Variants in ADGRL2 observed in about 807,000 individuals in gnomAD.
ADGRL2 encodes calcium-independent alpha-latrotoxin receptor 2.
In ADGRL2, 44 loss-of-function variants were observed where a neutral mutation model predicts 157.4. The observed-to-expected ratio is 0.28, with a 90% CI of 0.22 to 0.36. The LOEUF (loss-of-function observed/expected upper bound fraction) is 0.36, where lower values mean the gene tolerates loss of function less well. Among genes scored for constraint, ADGRL2 ranks in the 10% least tolerant of loss-of-function variants. The probability of loss-of-function intolerance (pLI) is 1.00; values close to 1 mark genes in which losing one functional copy is unlikely to be tolerated. For synonymous variants in ADGRL2, 585 were observed against 624.7 expected (o/e 0.94, Z 0.95); for missense variants, 1,510 against 1,768.9 (o/e 0.85, Z 2.63).
chr1:81,369,212 G>C (rs1208122733), intron 1 of ADGRL2, among the ~76,000 whole-genome samples: 1 of 152,024 alleles, frequency 6.6e-6, no homozygotes. Context: ...GTGATACATA[G>C]AGAAGACAAG....
intron 3 of ADGRL2, among the ~76,000 whole-genome samples, chr1:81,595,044 T>C (rs1570594741): frequency 6.6e-6 from 1 of 152,186 alleles, no homozygotes; most frequent in Non-Finnish European, 1.5e-5. Context: ...GAAATGGTGG[T>C]TACTGCCTTC....
chr1:81,740,540 A>C (rs2085040766), intron 1 of ADGRL2, among the ~76,000 whole-genome samples: 1 of 152,210 alleles, frequency 6.6e-6, no homozygotes. Flanking sequence ...GAACAATTGC[A>C]CTAAATAATC....
chr1:81,837,226 C>T (rs951080698), intron 2 of ADGRL2, among the ~76,000 whole-genome samples, 169 bp downstream of exon 2: 2 of 151,900 alleles, frequency 1.3e-5, no homozygotes, highest in African/African-American at 4.8e-5. Flanking sequence ...TTTGATAACA[C>T]AGATATGATA....
intron 1 of ADGRL2, among the ~76,000 whole-genome samples, chr1:81,750,140 A>G (rs2085441691): frequency 6.6e-6 from 1 of 152,192 alleles, no homozygotes; most frequent in Admixed American, 6.5e-5. Flanking sequence ...AAGTATCTCA[A>G]TTTGTTCTCA....
At position 81,394,765 on chromosome 1, in the gene ADGRL2, A is replaced by C. The variant is rs1400465251; in HGVS notation, c.-301-50271A>C. 2.6e-5 allele frequency among the ~76,000 whole-genome samples: 4 copies of C among 152,208 alleles called. No individual in the cohort carries two copies. In the East Asian group the frequency reaches 7.7e-4, roughly 29 times the overall value. On this transcript the variant is annotated intron_variant, in intron 1 of 24. Coordinates refer to the ADGRL2 transcript ENST00000370721. ...CCAGATCATATGGTATCTCTAGTTG[A>C]ATTTTTTTCAGGAAACTTCATGCTA...
intron 18 of ADGRL2, 24 bp from the exon 19 acceptor site, chr1:81,981,784 A>T: frequency 6.3e-7 from 1 of 1,596,038 alleles, no homozygotes; most frequent in Non-Finnish European, 8.5e-7. Context: ...GAACCTGTTA[A>T]AAAAGTTCAC....
At chr1:81,691,928 A>G (rs1211490470) in intron 3 of ADGRL2, among the ~76,000 whole-genome samples, 1 of 145,244 alleles carries the variant, frequency 6.9e-6, no homozygotes, top group Non-Finnish European at 1.5e-5. Flanking sequence ...GTGTATATAT[A>G]TATACACATA....
At chr1:81,713,949 T>C (rs1462894359) in intron 1 of ADGRL2, among the ~76,000 whole-genome samples, 1 of 152,162 alleles carries the variant, frequency 6.6e-6, no homozygotes, top group African/African-American at 2.4e-5. Flanking sequence ...TCCACATGGC[T>C]GGGGAGGCCT....
rs911157421 is a variant in ADGRL2, at chr1:81,825,213, AT to A, written c.-100-11663del. Among the ~76,000 whole-genome samples the A allele has an allele frequency of 3.2e-4, 48 of 151,714 alleles. 1 individual carries two copies. Among genetic ancestry groups the A allele is most frequent in the Admixed American group, 8.5e-4 (13 of 15,234 alleles). On this transcript the variant is annotated intron_variant, in intron 1 of 23. Coordinates refer to ENST00000686636, the MANE Select transcript of ADGRL2 (RefSeq NM_001366006.2). Reference sequence around the variant, plus strand: ...AAAAATCAAAAATAAAGAAATAAAAATTTTTTTTTGTTGTAGTGGGTATGTC... The same window carrying A: ...AAAAATCAAAAATAAAGAAATAAAAATTTTTTTTGTTGTAGTGGGTATGTC...
intron 1 of ADGRL2, among the ~76,000 whole-genome samples, chr1:81,359,826 G>A (rs1177884571): frequency 6.6e-6 from 1 of 151,648 alleles, no homozygotes. Context: ...ACTTTCTGAA[G>A]CCAAAAAAAA....
At chr1:81,317,227 A>G (rs950876589) in intron 1 of ADGRL2, among the ~76,000 whole-genome samples, 8 of 152,264 alleles carry the variant, frequency 5.3e-5, no homozygotes, top group Admixed American at 3.9e-4. Context: ...TGTCAGTAGT[A>G]CCAAGGATAA....
At chr1:81,366,295 GA>G (rs35283896) in intron 1 of ADGRL2, among the ~76,000 whole-genome samples, 98,488 of 146,970 alleles carry the variant, frequency 0.67, 33,882 homozygotes, top group Middle Eastern at 0.78. Flanking sequence ...TTTGGCTCCA[GA>G]AAAAAAAAAA....
At chr1:81,858,689 A>G (rs1377225746) in intron 2 of ADGRL2, among the ~76,000 whole-genome samples, 1 of 152,112 alleles carries the variant, frequency 6.6e-6, no homozygotes, top group African/African-American at 2.4e-5. Context: ...TCCGTCAGGG[A>G]CTGTGAAAAT....
At chr1:81,483,242 C>A (rs1267160355) in intron 2 of ADGRL2, among the ~76,000 whole-genome samples, 2 of 152,116 alleles carry the variant, frequency 1.3e-5, no homozygotes, top group Non-Finnish European at 1.5e-5. Flanking sequence ...TTTAGAGCGA[C>A]AAGTGCCTTT....
At chr1:81,420,244 A>T (rs1235979067) in intron 1 of ADGRL2, among the ~76,000 whole-genome samples, 1 of 152,208 alleles carries the variant, frequency 6.6e-6, no homozygotes, top group African/African-American at 2.4e-5. Context: ...TCATCAGCAT[A>T]TTGGATACTA....
At chr1:81,897,684 C>T (rs986724071) in intron 2 of ADGRL2, among the ~76,000 whole-genome samples, 1 of 152,076 alleles carries the variant, frequency 6.6e-6, no homozygotes, top group Non-Finnish European at 1.5e-5. Flanking sequence ...CTTAGAGCAT[C>T]TAGAGTGTCC....
chr1:81,621,086 C>T (rs1470866602), intron 3 of ADGRL2, among the ~76,000 whole-genome samples: 1 of 152,086 alleles, frequency 6.6e-6, no homozygotes, highest in East Asian at 1.9e-4. Flanking sequence ...GTGGCTGTGT[C>T]CTTTTGTAGG....
At chr1:81,612,100 T>C (rs1924650) in intron 3 of ADGRL2, among the ~76,000 whole-genome samples, 87,217 of 152,016 alleles carry the variant, frequency 0.57, 25,346 homozygotes, top group East Asian at 0.69. Flanking sequence ...AGTATCTTTA[T>C]AGCAGTATGA....
Position 81,968,635 on chromosome 1 carries a change from A to T in ADGRL2, c.2523+436A>T, listed in dbSNP as rs75600112. ...TTTGAAAAGTCAAAATGGCTTCTGGAATATGTCTCAGTATTCTTTCTTGTG... is the reference window on the plus strand; with the variant it reads ...TTTGAAAAGTCAAAATGGCTTCTGGTATATGTCTCAGTATTCTTTCTTGTG... On this transcript the variant is annotated intron_variant, in intron 14 of 23. Transcript: ENST00000686636. 6.6e-3 allele frequency among the ~76,000 whole-genome samples: 1,004 copies of T among 152,320 alleles called. 7 individuals carry two copies. The highest frequency in any genetic ancestry group is 0.013 in the Admixed American group (199 of 15,296).
Sources: allele counts gnomAD v4.1 joint callset (sites outside exome capture counted in the v4.1 genomes callset), GRCh38; gene constraint gnomAD v4.1.1; transcripts MANE v1.5; gene names NCBI Gene and HGNC (gene_info 2026-07-23, HGNC 2026-07-21).